Variants in STXBP5L observed in about 807,000 individuals in gnomAD.
STXBP5L encodes syntaxin-binding protein 5-like.
In STXBP5L, 65 loss-of-function variants were observed where a neutral mutation model predicts 144.5. The observed-to-expected ratio is 0.45, with a 90% CI of 0.37 to 0.55. STXBP5L has a LOEUF of 0.55. Among genes scored for constraint, STXBP5L ranks in the 20% least tolerant of loss-of-function variants. The probability of loss-of-function intolerance (pLI) is 0.00; values close to 1 mark genes in which losing one functional copy is unlikely to be tolerated. For synonymous variants in STXBP5L, 505 were observed against 469.6 expected, an observed-to-expected ratio of 1.08 and a Z score of -0.97; for missense variants, 1,298 against 1,405.5, an observed-to-expected ratio of 0.92 and a Z score of 1.22.
At chr3:121,233,714 A>T (rs774946105) in intron 12 of STXBP5L, 26 bp downstream of exon 12, 1 of 1,488,282 alleles carries the variant, frequency 6.7e-7, no homozygotes, top group Non-Finnish European at 9.2e-7. Flanking sequence ...ACAGATTAAC[A>T]CTTTTAAACT....
At chr3:121,168,367 G>C (rs1159071419) in intron 9 of STXBP5L, among the ~76,000 whole-genome samples, 1 of 152,192 alleles carries the variant, frequency 6.6e-6, no homozygotes, top group East Asian at 1.9e-4. Flanking sequence ...GTAGGCTTCA[G>C]GAGGTGAGTA....
chr3:120,988,347 T>G (rs187817237), intron 3 of STXBP5L, among the ~76,000 whole-genome samples: 1 of 152,114 alleles, frequency 6.6e-6, no homozygotes, highest in Non-Finnish European at 1.5e-5. Context: ...CTTTCAGACT[T>G]CTTCTTTGAA....
intron 5 of STXBP5L, among the ~76,000 whole-genome samples, chr3:121,070,670 CAT>C (rs1301697513): frequency 6.6e-6 from 1 of 152,096 alleles, no homozygotes; most frequent in Non-Finnish European, 1.5e-5. Flanking sequence ...CAAGAACAGA[CAT>C]ACCCCACGAC....
chr3:121,086,402 A>G (rs940109556), intron 5 of STXBP5L, among the ~76,000 whole-genome samples: 3 of 152,110 alleles, frequency 2.0e-5, no homozygotes, highest in Non-Finnish European at 4.4e-5. Context: ...AAAAATTTCT[A>G]TTGCCTCATG....
chr3:121,289,307 G>A (rs1260111980), intron 19 of STXBP5L, among the ~76,000 whole-genome samples: 1 of 151,876 alleles, frequency 6.6e-6, no homozygotes, highest in African/African-American at 2.4e-5. Context: ...AAGACAGGAA[G>A]GGACATTAAA....
In STXBP5L at chr3:121,181,554, T is replaced by C. The variant is rs565438951; in HGVS notation, c.877+23927T>C. On this transcript the variant is annotated intron_variant, in intron 9 of 26. Transcript: ENST00000471454. Reference sequence around the variant, plus strand: ...TTCAAGACCAACCTGGCCAACATGGTGAAACCCCTTCTCTACTAAAAATGC... The same window carrying C: ...TTCAAGACCAACCTGGCCAACATGGCGAAACCCCTTCTCTACTAAAAATGC... Among the ~76,000 whole-genome samples, 4 of 152,244 alleles carry C rather than the reference T, an allele frequency of 2.6e-5. No homozygotes were observed. In the East Asian group the frequency reaches 7.7e-4, roughly 29 times the overall value.
chr3:121,165,534 C>G (rs752137204), intron 9 of STXBP5L, among the ~76,000 whole-genome samples: 17 of 152,146 alleles, frequency 1.1e-4, no homozygotes, highest in Non-Finnish European at 2.2e-4. Flanking sequence ...TTGGACATCT[C>G]TTTCCTTATC....
chr3:120,967,766 T>C (rs972247280), intron 3 of STXBP5L, among the ~76,000 whole-genome samples: 1 of 152,148 alleles, frequency 6.6e-6, no homozygotes, highest in Non-Finnish European at 1.5e-5. Flanking sequence ...TTAGAACTGC[T>C]TTTGCTGTAT....
At chr3:121,394,448 T>C (rs565930177) in intron 22 of STXBP5L, among the ~76,000 whole-genome samples, 3 of 152,070 alleles carry the variant, frequency 2.0e-5, no homozygotes, top group African/African-American at 4.8e-5. Context: ...AGGACTTGCA[T>C]AGGAGTGGTG....
chr3:121,063,419 T>G (rs1409380072), intron 5 of STXBP5L, among the ~76,000 whole-genome samples: 1 of 152,186 alleles, frequency 6.6e-6, no homozygotes, highest in Admixed American at 6.5e-5. Context: ...CTCTCCTGTA[T>G]GAGGTATCTG....
At chr3:121,083,360 T>A (rs776823643) in intron 5 of STXBP5L, among the ~76,000 whole-genome samples, 2 of 152,138 alleles carry the variant, frequency 1.3e-5, no homozygotes, top group Admixed American at 6.5e-5. Context: ...CTGGAAGAGA[T>A]TGTTAAAATT....
intron 18 of STXBP5L, among the ~76,000 whole-genome samples, chr3:121,271,337 C>T (rs116457880): frequency 6.6e-6 from 1 of 152,108 alleles, no homozygotes. Flanking sequence ...CTTCTATGTC[C>T]TTTTGATATG....
At chr3:121,070,813 T>C (rs1204192864) in intron 5 of STXBP5L, among the ~76,000 whole-genome samples, 3 of 152,148 alleles carry the variant, frequency 2.0e-5, no homozygotes, top group Non-Finnish European at 2.9e-5. Flanking sequence ...TTTATGCGAG[T>C]ACGGGAATAC....
intron 9 of STXBP5L, among the ~76,000 whole-genome samples, chr3:121,173,584 G>C (rs1559823604): frequency 6.6e-6 from 1 of 151,874 alleles, no homozygotes; most frequent in African/African-American, 2.4e-5. Context: ...CTGTTGACCA[G>C]AAGCTTTACA....
intron 7 of STXBP5L, among the ~76,000 whole-genome samples, chr3:121,125,675 C>T (rs1293847527): frequency 1.3e-5 from 2 of 152,086 alleles, no homozygotes; most frequent in Non-Finnish European, 2.9e-5. Flanking sequence ...AAATGCTCTC[C>T]CAAACAACGG....
chr3:121,012,557 G>C (rs757790326), intron 3 of STXBP5L, among the ~76,000 whole-genome samples: 7 of 151,654 alleles, frequency 4.6e-5, no homozygotes, highest in Non-Finnish European at 1.0e-4. Flanking sequence ...TGGTGGTTTT[G>C]ATAGGCATGT....
At chr3:121,090,435 C>T (rs935345396) in intron 5 of STXBP5L, among the ~76,000 whole-genome samples, 2 of 152,022 alleles carry the variant, frequency 1.3e-5, no homozygotes, top group African/African-American at 4.8e-5. Context: ...TTCTACTAAC[C>T]CAATTCTCAT....
intron 3 of STXBP5L, among the ~76,000 whole-genome samples, chr3:120,968,732 A>G (rs942605372): frequency 6.6e-6 from 1 of 152,132 alleles, no homozygotes; most frequent in African/African-American, 2.4e-5. Flanking sequence ...CTGAGTATCC[A>G]AAGTCCATTA....
intron 20 of STXBP5L, among the ~76,000 whole-genome samples, chr3:121,363,311 G>C (rs2108643370): frequency 6.6e-6 from 1 of 152,240 alleles, no homozygotes; most frequent in African/African-American, 2.4e-5. Context: ...GCCTAGTTCA[G>C]CACTAGGACT....
Sources: gnomAD v4.1 joint callset for allele counts (sites outside exome capture counted in the v4.1 genomes callset) on GRCh38, gnomAD v4.1.1 for gene constraint, MANE v1.5 for transcripts, NCBI Gene and HGNC (gene_info 2026-07-23, HGNC 2026-07-21) for gene names.